The following ANKRD27 variants were observed in gnomAD, a reference collection of about 807,000 sequenced individuals.
ANKRD27 encodes ankyrin repeat domain-containing protein 27.
In ANKRD27, 112 loss-of-function variants were observed where a neutral mutation model predicts 129.7. The observed-to-expected ratio is 0.86, with a 90% CI of 0.74 to 1.01. ANKRD27 has a LOEUF of 1.01. Ranked by LOEUF, ANKRD27 falls within the 50% of genes least tolerant of loss-of-function variation. The probability of loss-of-function intolerance (pLI) is 0.00; values close to 1 mark genes in which losing one functional copy is unlikely to be tolerated. For missense variants in ANKRD27, 1,258 were observed against 1,300.5 expected, an observed-to-expected ratio of 0.97 and a Z score of 0.50; for synonymous variants, 516 against 511.2, an observed-to-expected ratio of 1.01 and a Z score of -0.13.
At chr19:32,632,558 C>CT (rs1467704931) in intron 12 of ANKRD27, among the ~76,000 whole-genome samples, 1 of 141,784 alleles carries the variant, frequency 7.1e-6, no homozygotes, top group Admixed American at 7.6e-5. Context: ...ACACTCCAGC[C>CT]TGGGTGACAG....
At chr19:32,605,796 G>C in intron 24 of ANKRD27, 39 bp downstream of exon 24, 1 of 1,607,766 alleles carries the variant, frequency 6.2e-7, no homozygotes, top group East Asian at 2.2e-5. Context: ...CTGTTAACTG[G>C]CGCAGGTGTG....
At chr19:32,649,553 G>A (rs1967371352) in intron 3 of ANKRD27, 129 bp downstream of exon 3, 1 of 711,914 alleles carries the variant, frequency 1.4e-6, no homozygotes, top group Non-Finnish European at 2.5e-6. Context: ...GCCCCCCACG[G>A]GGCTGCAGTG....
Position 32,628,857 on chromosome 19 carries a change from G to C in ANKRD27, c.1210-8C>G, listed in dbSNP as rs1966938616. 1.2e-6 allele frequency: 2 copies of C among 1,613,968 alleles called. No individual in the cohort carries two copies. Among genetic ancestry groups the C allele is most frequent in the Non-Finnish European group, 1.7e-6 (2 of 1,179,922 alleles). On this transcript the variant is annotated splice_region_variant and splice_polypyrimidine_tract_variant and intron_variant, in intron 13 of 28. Transcript: ENST00000306065. ...GTTACCTGATGCAATGTGCTGAAAAGTGACATCCAAGATGCTATCCACATG... is the reference window on the plus strand; with the variant it reads ...GTTACCTGATGCAATGTGCTGAAAACTGACATCCAAGATGCTATCCACATG...
At chr19:32,673,208 A>G (rs1454197054) in intron 1 of ANKRD27, 3 of 849,292 alleles carry the variant, frequency 3.5e-6, no homozygotes, top group Middle Eastern at 5.8e-4. Context: ...ATTTCAGGTC[A>G]CCAGGCAAGA....
chr19:32,663,385 CA>C (rs2145322606), intron 1 of ANKRD27, among the ~76,000 whole-genome samples: 1 of 152,318 alleles, frequency 6.6e-6, no homozygotes, highest in African/African-American at 2.4e-5. Context: ...TGTTACACAG[CA>C]AAGGCTACCT....
At chr19:32,619,472 C>A in intron 19 of ANKRD27, 22 bp downstream of exon 19, 1 of 1,614,084 alleles carries the variant, frequency 6.2e-7, no homozygotes, top group Non-Finnish European at 8.5e-7. Context: ...GTAACCTGAC[C>A]TGCTCAGCCC....
At chr19:32,644,529 T>TGGCTGAA in intron 4 of ANKRD27, 50 bp from the exon 5 acceptor site, 1 of 1,600,576 alleles carries the variant, frequency 6.2e-7, no homozygotes, top group Non-Finnish European at 8.5e-7. Flanking sequence ...TGCTGGTTCC[T>TGGCTGAA]GACTCTGTCC....
At chr19:32,632,233 G>C (rs1372357979) in intron 12 of ANKRD27, among the ~76,000 whole-genome samples, 45 of 151,982 alleles carry the variant, frequency 3.0e-4, no homozygotes, top group Non-Finnish European at 1.5e-5. Flanking sequence ...AGGTTACAGT[G>C]AGCTGAGATC....
At chr19:32,606,026 A>AAAT (rs2145259323) in intron 23 of ANKRD27, 72 bp from the exon 24 acceptor site, 1 of 1,248,802 alleles carries the variant, frequency 8.0e-7, no homozygotes, top group African/African-American at 1.7e-5. Context: ...AAAATTATGA[A>AAAT]AAATAAATAA....
intron 10 of ANKRD27, among the ~76,000 whole-genome samples, chr19:32,641,404 T>C (rs1005117339): frequency 2.6e-5 from 4 of 151,986 alleles, no homozygotes; most frequent in South Asian, 2.1e-4. Context: ...AGACATGGAG[T>C]CCACTGCCCA....
chr19:32,656,113 AAAAGAAAAGAAAAGAAAAGAAAAG>A (rs1440264025), intron 2 of ANKRD27, among the ~76,000 whole-genome samples: 1 of 113,692 alleles, frequency 8.8e-6, no homozygotes, highest in African/African-American at 3.4e-5. Flanking sequence ...GAAAGAAAAG[AAAAGAAAAGAAAAGAAAAGAAAAG>A]AAAAAGAAAA....
chr19:32,644,344 T>C lies in ANKRD27; in HGVS notation c.506A>G (p.Lys169Arg), dbSNP rs1967260578. Residue 169 changes from lysine to arginine, a missense_variant, in exon 5 of 29, where the codon AAG becomes AGG. Lys to Arg is a conservative substitution (Grantham distance 26). Transcript: ENST00000306065. ...FHRTFRECER[K>R]SLRHHIDSAN... ...ACTGACTATGTGGTGACGGAGGCTCTTTCTCTCGCATTCTCGGAATGTTCG... is the reference window on the plus strand; with the variant it reads ...ACTGACTATGTGGTGACGGAGGCTCCTTCTCTCGCATTCTCGGAATGTTCG... 1.2e-6 allele frequency: 2 copies of C among 1,613,260 alleles called. No homozygotes were observed. Among genetic ancestry groups the C allele is most frequent in the Non-Finnish European group, 1.7e-6 (2 of 1,179,836 alleles).
At chr19:32,623,042 T>A (rs1972038010) in intron 17 of ANKRD27, among the ~76,000 whole-genome samples, 1 of 151,474 alleles carries the variant, frequency 6.6e-6, no homozygotes, top group Non-Finnish European at 1.5e-5. Flanking sequence ...TCCTCCCACC[T>A]CAGCCTCTCA....
intron 4 of ANKRD27, among the ~76,000 whole-genome samples, chr19:32,645,139 C>T (rs1038033817): frequency 3.3e-5 from 5 of 152,112 alleles, no homozygotes; most frequent in Admixed American, 2.0e-4. Flanking sequence ...ATTGGCCGGG[C>T]GCAGCGGCTC....
chr19:32,614,787 T>C (rs192951281), intron 22 of ANKRD27, among the ~76,000 whole-genome samples: 11 of 152,278 alleles, frequency 7.2e-5, no homozygotes, highest in Admixed American at 2.0e-4. Flanking sequence ...CCTACACATG[T>C]GGCACAACTG....
At chr19:32,622,387 A>G (rs369776322) in intron 18 of ANKRD27, 35 bp downstream of exon 18, 1 of 1,609,132 alleles carries the variant, frequency 6.2e-7, no homozygotes, top group African/African-American at 1.3e-5. Context: ...TCTTCTTTCG[A>G]AGTCATCTTG....
rs541273579 is a variant in ANKRD27, at chr19:32,640,166, T to C, written c.983+141A>G. On this transcript the variant is annotated intron_variant, in intron 11 of 28. Coordinates refer to ENST00000306065, the MANE Select transcript of ANKRD27 (RefSeq NM_032139.3). ...TTTTAGTAGAGACGGGGTTTCACCGTGTTAGCCAGGATGGTCTCGATCTCC... is the reference window on the plus strand; with the variant it reads ...TTTTAGTAGAGACGGGGTTTCACCGCGTTAGCCAGGATGGTCTCGATCTCC... The C allele has an allele frequency of 8.7e-5, 48 of 553,920 alleles. No individual in the cohort carries two copies. The East Asian group carries it at 1.7e-3, about 19-fold the overall frequency. 34.3% of individuals were successfully genotyped at this position (553,920 alleles called of 1,614,324 possible).
intron 15 of ANKRD27, among the ~76,000 whole-genome samples, chr19:32,627,393 TA>T (rs56275424): frequency 0.31 from 39,396 of 128,594 alleles, 6,936 homozygotes; most frequent in African/African-American, 0.34. Context: ...TTTATTTATT[TA>T]TTTATTTATT....
At chr19:32,651,526 C>A (rs1181788603) in intron 2 of ANKRD27, among the ~76,000 whole-genome samples, 1 of 152,164 alleles carries the variant, frequency 6.6e-6, no homozygotes, top group Non-Finnish European at 1.5e-5. Context: ...TCCGCCACCA[C>A]ACCCGGCTAA....
Sources: allele counts gnomAD v4.1 joint callset (sites outside exome capture counted in the v4.1 genomes callset), GRCh38; gene constraint gnomAD v4.1.1; transcripts MANE v1.5; gene names NCBI Gene and HGNC (gene_info 2026-07-23, HGNC 2026-07-21).